RBMS3: variants seen among roughly 807,000 people sequenced by gnomAD.
RBMS3 encodes RNA binding motif single stranded interacting protein 3, also known as RNA-binding motif, single-stranded-interacting protein 3.
In RBMS3, 27 loss-of-function variants were observed where a neutral mutation model predicts 66.8. The ratio of observed to expected loss-of-function variants is 0.40; its 90% CI spans 0.30 to 0.56. RBMS3 has a LOEUF of 0.56. Ranked by LOEUF, RBMS3 falls within the 20% of genes least tolerant of loss-of-function variation. RBMS3 has a pLI of 0.40. For missense variants in RBMS3, 513 were observed against 549.5 expected, an observed-to-expected ratio of 0.93 and a Z score of 0.66; for synonymous variants, 188 against 183.0, an observed-to-expected ratio of 1.03 and a Z score of -0.22.
chr3:29,631,078 G>A lies in RBMS3; in HGVS notation c.399+43873G>A, dbSNP rs77583662. On this transcript the variant is annotated intron_variant, in intron 4 of 14. Coordinates refer to ENST00000383767, the MANE Select transcript of RBMS3 (RefSeq NM_001003793.3). ...TAGCAAAATTTGAGTATTTTAAGAG[G>A]TATTTAGTTGGTATTAAGAGAAGTG... is the stretch of plus-strand genomic sequence containing the variant. Among the ~76,000 whole-genome samples the A allele has an allele frequency of 7.1e-3, 1,074 of 151,898 alleles. 29 individuals are homozygous for A. Among genetic ancestry groups the A allele is most frequent in the Admixed American group, 0.057 (868 of 15,202 alleles).
chr3:29,562,153 G>T (rs1381689267), intron 3 of RBMS3, among the ~76,000 whole-genome samples: 1 of 152,116 alleles, frequency 6.6e-6, no homozygotes, highest in Non-Finnish European at 1.5e-5. Context: ...GATTTTGAAT[G>T]ATTTTTGTTT....
At chr3:29,562,235 T>C (rs1339164806) in intron 3 of RBMS3, among the ~76,000 whole-genome samples, 2 of 152,112 alleles carry the variant, frequency 1.3e-5, no homozygotes, top group Non-Finnish European at 2.9e-5. Context: ...TGCAATAAAC[T>C]GATATAAGCA....
intron 4 of RBMS3, among the ~76,000 whole-genome samples, chr3:29,710,632 AGT>A (rs1258836326): frequency 2.0e-5 from 3 of 152,218 alleles, no homozygotes; most frequent in Admixed American, 6.5e-5. Flanking sequence ...GTGAAAACAT[AGT>A]GTGTTAGTTC....
intron 7 of RBMS3, among the ~76,000 whole-genome samples, chr3:29,871,849 T>C (rs575026945): frequency 7.9e-5 from 12 of 152,300 alleles, no homozygotes; most frequent in African/African-American, 2.4e-4. Flanking sequence ...AAAGCTGTTT[T>C]TTCCTCATGG....
At chr3:29,609,920 A>G (rs983309762) in intron 4 of RBMS3, among the ~76,000 whole-genome samples, 4 of 152,194 alleles carry the variant, frequency 2.6e-5, no homozygotes, top group African/African-American at 9.6e-5. Flanking sequence ...AAGAATTATT[A>G]ATATACATTT....
Position 29,790,804 on chromosome 3 carries a change from C to T in RBMS3, c.637+27815C>T, listed in dbSNP as rs933380156. Among the ~76,000 whole-genome samples the T allele has an allele frequency of 1.4e-4, 22 of 152,186 alleles. No individual in the cohort carries two copies. The East Asian group carries it at 2.3e-3, about 16-fold the overall frequency. On this transcript the variant is annotated intron_variant, in intron 6 of 14. Transcript: ENST00000383767. Reference sequence around the variant, plus strand: ...ATGCTGAGATTTTTAAAGTTTCAATCGAAAAGTATTCATACTTTGACATTG... The same window carrying T: ...ATGCTGAGATTTTTAAAGTTTCAATTGAAAAGTATTCATACTTTGACATTG...
Position 29,281,552 on chromosome 3 carries a change from G to C in RBMS3, c.-130G>C, listed in dbSNP as rs1374912335. The C allele has an allele frequency of 3.0e-6, 2 of 673,424 alleles. No individual in the cohort carries two copies. The highest frequency in any genetic ancestry group is 5.2e-6 in the Non-Finnish European group (2 of 381,398). 41.7% of individuals were successfully genotyped at this position (673,424 alleles called of 1,614,324 possible). On this transcript the variant is annotated 5_prime_UTR_variant, in exon 1 of 15. Transcript: ENST00000383767. ...AAATTCTTGCTGTGTTGGAACTAGC[G>C]AGTGGTGGAGTCTCTGAAGCCTCAT...
intron 5 of RBMS3, among the ~76,000 whole-genome samples, chr3:29,745,883 T>C (rs2054870137): frequency 7.3e-6 from 1 of 137,182 alleles, no homozygotes; most frequent in African/African-American, 2.6e-5. Flanking sequence ...TAAGTTTTTC[T>C]TTCTTTTCAT....
intron 14 of RBMS3, among the ~76,000 whole-genome samples, chr3:29,993,762 T>C (rs58505102): frequency 0.051 from 7,695 of 152,284 alleles, 495 homozygotes; most frequent in African/African-American, 0.15. Flanking sequence ...TTACATCAAC[T>C]CTTTCAGTTC....
intron 3 of RBMS3, among the ~76,000 whole-genome samples, chr3:29,542,958 A>G (rs1238220054): frequency 6.6e-6 from 1 of 152,228 alleles, no homozygotes; most frequent in Non-Finnish European, 1.5e-5. Flanking sequence ...AAATATTTTT[A>G]AATGATTTAA....
In RBMS3 at chr3:29,669,719, C is replaced by A. The variant is rs114327855; in HGVS notation, c.400-70001C>A. ...ATGAGTGTACATTCTCTTCCTCATT[C>A]CACTTTCTTCCTCCTTTTTGTTGTT... is the stretch of plus-strand genomic sequence containing the variant. On this transcript the variant is annotated intron_variant, in intron 4 of 14. Transcript: ENST00000383767. Among the ~76,000 whole-genome samples, 672 of 152,184 alleles carry A rather than the reference C, an allele frequency of 4.4e-3. 3 individuals are homozygous for A. Among genetic ancestry groups the A allele is most frequent in the Middle Eastern group, 0.027 (8 of 294 alleles).
intron 10 of RBMS3, among the ~76,000 whole-genome samples, chr3:29,918,173 TATGTCAG>T (rs1231414128): frequency 2.6e-5 from 4 of 152,054 alleles, no homozygotes; most frequent in African/African-American, 9.7e-5. Context: ...TAAATTTTGA[TATGTCAG>T]GTTATATAAT....
chr3:29,583,479 G>A (rs111728669), intron 3 of RBMS3, among the ~76,000 whole-genome samples: 2,325 of 152,160 alleles, frequency 0.015, 25 homozygotes, highest in Admixed American at 0.028. Context: ...TTTTTTAAAC[G>A]TGCTTTCCAT....
intron 4 of RBMS3, among the ~76,000 whole-genome samples, chr3:29,669,168 C>T (rs1292603443): frequency 3.3e-5 from 5 of 152,148 alleles, no homozygotes; most frequent in African/African-American, 4.8e-5. Flanking sequence ...AGTGTGCTCC[C>T]GAACCCTCAT....
At chr3:29,802,296 C>G (rs1415278895) in intron 6 of RBMS3, among the ~76,000 whole-genome samples, 2 of 152,150 alleles carry the variant, frequency 1.3e-5, no homozygotes, top group South Asian at 2.1e-4. Context: ...TACCACCAAC[C>G]ACAGCCTTTC....
intron 1 of RBMS3, among the ~76,000 whole-genome samples, chr3:29,414,484 G>A (rs1385439790): frequency 2.0e-5 from 3 of 152,116 alleles, no homozygotes; most frequent in Admixed American, 6.5e-5. Context: ...ATGCTTTTTC[G>A]TGAAACATAG....
At chr3:29,684,931 A>G (rs948390667) in intron 4 of RBMS3, among the ~76,000 whole-genome samples, 1 of 151,920 alleles carries the variant, frequency 6.6e-6, no homozygotes, top group African/African-American at 2.4e-5. Context: ...TTTATGTTGC[A>G]TGTTTTATTG....
intron 12 of RBMS3, among the ~76,000 whole-genome samples, chr3:29,957,016 C>T (rs1696089766): frequency 6.6e-6 from 1 of 152,098 alleles, no homozygotes. Context: ...TGAGCAAATC[C>T]TCATCTAGAA....
chr3:29,711,182 T>C (rs988397326), intron 4 of RBMS3, among the ~76,000 whole-genome samples: 2 of 152,160 alleles, frequency 1.3e-5, no homozygotes, highest in African/African-American at 4.8e-5. Context: ...ATTGTAACAA[T>C]AGACTATATT....
Sources: allele counts gnomAD v4.1 joint callset (sites outside exome capture counted in the v4.1 genomes callset), GRCh38; gene constraint gnomAD v4.1.1; transcripts MANE v1.5; gene names NCBI Gene and HGNC (gene_info 2026-07-23, HGNC 2026-07-21).